Variants in CCBE1 observed in about 807,000 individuals in gnomAD.
CCBE1 encodes the protein collagen and calcium binding EGF domains 1.
CCBE1 carries 37 observed loss-of-function variants against 50.0 expected under a neutral mutation model. The ratio of observed to expected loss-of-function variants is 0.74; its 90% CI spans 0.57 to 0.97. The LOEUF is 0.97. Ranked by LOEUF, CCBE1 falls within the 50% of genes least tolerant of loss-of-function variation. The probability of loss-of-function intolerance (pLI) is 0.00; values close to 1 mark genes in which losing one functional copy is unlikely to be tolerated. For missense variants in CCBE1, 538 were observed against 523.8 expected, an observed-to-expected ratio of 1.03 and a Z score of -0.26; for synonymous variants, 234 against 203.7, an observed-to-expected ratio of 1.15 and a Z score of -1.27.
At chr18:59,458,709 C>G (rs1457474540) in intron 5 of CCBE1, among the ~76,000 whole-genome samples, 2 of 152,152 alleles carry the variant, frequency 1.3e-5, no homozygotes, top group African/African-American at 4.8e-5. Context: ...ACGCAGTGAG[C>G]CTGCTATTGG....
intron 6 of CCBE1, among the ~76,000 whole-genome samples, chr18:59,454,054 G>T (rs1161949263): frequency 6.6e-6 from 1 of 152,118 alleles, no homozygotes; most frequent in African/African-American, 2.4e-5. Context: ...CTCAGAAAGG[G>T]CATAGACTAT....
chr18:59,511,352 C>A (rs539565509), intron 2 of CCBE1, among the ~76,000 whole-genome samples: 1 of 152,318 alleles, frequency 6.6e-6, no homozygotes, highest in South Asian at 2.1e-4. Context: ...TTCTAGAGAA[C>A]TTGACATATT....
At chr18:59,696,423 A>C in intron 2 of CCBE1, 1 of 1,344,422 alleles carries the variant, frequency 7.4e-7, no homozygotes, top group East Asian at 2.7e-5. Flanking sequence ...CACACACCCT[A>C]GACGCAAAGT....
chr18:59,643,646 C>A (rs1407981565), intron 2 of CCBE1, among the ~76,000 whole-genome samples: 1 of 152,052 alleles, frequency 6.6e-6, no homozygotes, highest in Non-Finnish European at 1.5e-5. Context: ...AAAAGTTAGC[C>A]AAGTGTCTGC....
At chr18:59,531,734 C>G (rs994163497) in intron 2 of CCBE1, among the ~76,000 whole-genome samples, 1 of 152,074 alleles carries the variant, frequency 6.6e-6, no homozygotes, top group African/African-American at 2.4e-5. Context: ...ACAAAGAAAC[C>G]CTGTCTCAAA....
At chr18:59,493,212 T>G (rs367917267) in intron 2 of CCBE1, among the ~76,000 whole-genome samples, 8 of 152,206 alleles carry the variant, frequency 5.3e-5, no homozygotes, top group South Asian at 2.1e-4. Context: ...TAGTCTTTCT[T>G]AGGTTAATAA....
Position 59,432,055 on chromosome 18 carries a change from G to C in CCBE1, c.*3853C>G, listed in dbSNP as rs145393328. On this transcript the variant is annotated 3_prime_UTR_variant, in exon 11 of 11. Coordinates refer to ENST00000439986, the MANE Select transcript of CCBE1 (RefSeq NM_133459.4). The stretch of plus-strand genomic sequence containing the variant: ...TGCAACCTCCACCTCCCGGGTTCAA[G>C]CAATTCTTGTGTCTCAGCTTCCCGA... 6.6e-6 allele frequency: 1 copy of C among 152,244 alleles called. No homozygotes were observed. Among genetic ancestry groups the C allele is most frequent in the African/African-American group, 2.4e-5 (1 of 41,444 alleles). 9.4% of individuals were successfully genotyped at this position (152,244 alleles called of 1,614,324 possible).
At chr18:59,512,042 T>C (rs2144298593) in intron 2 of CCBE1, among the ~76,000 whole-genome samples, 1 of 152,352 alleles carries the variant, frequency 6.6e-6, no homozygotes, top group Admixed American at 6.5e-5. Context: ...AATCTTCTTT[T>C]TCACCTGAGG....
chr18:59,560,807 AC>A (rs1424111155), intron 2 of CCBE1, among the ~76,000 whole-genome samples: 1 of 152,192 alleles, frequency 6.6e-6, no homozygotes. Context: ...TTGATGGATA[AC>A]GACTCCCCGG....
intron 2 of CCBE1, among the ~76,000 whole-genome samples, chr18:59,546,604 A>G (rs1915692982): frequency 6.6e-6 from 1 of 152,278 alleles, no homozygotes. Context: ...AATAGATAAA[A>G]GAAACAAAAT....
chr18:59,458,592 T>C (rs1911314508), intron 5 of CCBE1, among the ~76,000 whole-genome samples: 1 of 152,236 alleles, frequency 6.6e-6, no homozygotes, highest in South Asian at 2.1e-4. Context: ...TAGATGACAG[T>C]GAGATCCAGA....
chr18:59,537,698 T>C (rs929987771), intron 2 of CCBE1, among the ~76,000 whole-genome samples: 2 of 152,210 alleles, frequency 1.3e-5, no homozygotes, highest in Non-Finnish European at 2.9e-5. Flanking sequence ...TCAGCAAGTA[T>C]ATAAAGTGTA....
chr18:59,567,349 G>T (rs2144473164), intron 2 of CCBE1, among the ~76,000 whole-genome samples: 1 of 152,306 alleles, frequency 6.6e-6, no homozygotes, highest in Admixed American at 6.5e-5. Context: ...GGCCAGGCTG[G>T]TCTCAAACTC....
At chr18:59,483,015 T>C (rs945277155) in intron 2 of CCBE1, among the ~76,000 whole-genome samples, 1 of 152,176 alleles carries the variant, frequency 6.6e-6, no homozygotes, top group Non-Finnish European at 1.5e-5. Flanking sequence ...AAACGTGGTC[T>C]ACCAGCTGGG....
intron 2 of CCBE1, among the ~76,000 whole-genome samples, chr18:59,652,833 G>A (rs2054143292): frequency 6.6e-6 from 1 of 152,062 alleles, no homozygotes; most frequent in Non-Finnish European, 1.5e-5. Flanking sequence ...GCGTGGCGGC[G>A]GGCGCCTGTA....
At chr18:59,471,015 T>C (rs368588701) in intron 3 of CCBE1, among the ~76,000 whole-genome samples, 32 of 152,206 alleles carry the variant, frequency 2.1e-4, no homozygotes, top group African/African-American at 7.2e-4. Context: ...GCTACACGTT[T>C]CCCCCACTTG....
At chr18:59,497,308 T>C (rs774118288) in intron 2 of CCBE1, among the ~76,000 whole-genome samples, 4 of 152,128 alleles carry the variant, frequency 2.6e-5, no homozygotes, top group Non-Finnish European at 5.9e-5. Flanking sequence ...GTGGGGGAAG[T>C]ACAAAGAGTT....
intron 2 of CCBE1, among the ~76,000 whole-genome samples, chr18:59,678,489 CT>C (rs1346621012): frequency 6.6e-6 from 1 of 152,136 alleles, no homozygotes; most frequent in Non-Finnish European, 1.5e-5. Context: ...CAGACTATGA[CT>C]AGATACCTTT....
intron 2 of CCBE1, among the ~76,000 whole-genome samples, chr18:59,683,770 G>A (rs2054622122): frequency 6.6e-6 from 1 of 152,102 alleles, no homozygotes; most frequent in Non-Finnish European, 1.5e-5. Context: ...GAAGAGGCAG[G>A]ACCTGGAGAT....
Sources: gnomAD v4.1 joint callset for allele counts (sites outside exome capture counted in the v4.1 genomes callset) on GRCh38, gnomAD v4.1.1 for gene constraint, MANE v1.5 for transcripts, NCBI Gene and HGNC (gene_info 2026-07-23, HGNC 2026-07-21) for gene names.